HSD17B4: variants seen among roughly 807,000 people sequenced by gnomAD.
The protein encoded by HSD17B4 is peroxisomal multifunctional enzyme type 2.
Under a neutral mutation model 101.0 loss-of-function variants are expected in HSD17B4, and 70 were observed. The observed-to-expected ratio is 0.69, with a 90% CI of 0.57 to 0.85. The LOEUF is 0.85. HSD17B4 is among the 40% of genes least tolerant of loss of function. The pLI is 0.00. For synonymous variants in HSD17B4, 347 were observed against 297.1 expected, an observed-to-expected ratio of 1.17 and a Z score of -1.73; for missense variants, 984 against 892.4, an observed-to-expected ratio of 1.10 and a Z score of -1.31.
intron 2 of HSD17B4, among the ~76,000 whole-genome samples, chr5:119,459,619 G>T (rs946323549): frequency 6.6e-6 from 1 of 152,156 alleles, no homozygotes; most frequent in Non-Finnish European, 1.5e-5. Context: ...GTGCTGAGGG[G>T]CTACATCTGG....
At chr5:119,464,899 T>C (rs1755662484) in intron 2 of HSD17B4, among the ~76,000 whole-genome samples, 1 of 152,210 alleles carries the variant, frequency 6.6e-6, no homozygotes, top group South Asian at 2.1e-4. Context: ...CGGCCTTTGG[T>C]AGCTCTAGCT....
chr5:119,485,864 A>G (rs903032148), intron 8 of HSD17B4, among the ~76,000 whole-genome samples: 1 of 152,212 alleles, frequency 6.6e-6, no homozygotes, highest in Non-Finnish European at 1.5e-5. Flanking sequence ...AACTTAGTGG[A>G]TTAAAACAGC....
At chr5:119,478,313 A>C (rs570356064) in intron 7 of HSD17B4, among the ~76,000 whole-genome samples, 2 of 152,240 alleles carry the variant, frequency 1.3e-5, no homozygotes, top group South Asian at 4.1e-4. Context: ...ATAGAAGCAA[A>C]TTGCTTGTGA....
Position 119,525,274 on chromosome 5 carries a change from C to T in HSD17B4, c.1562C>T (p.Ala521Val), listed in dbSNP as rs750926446. 4 of 1,608,048 alleles carry T rather than the reference C, an allele frequency of 2.5e-6. No individual in the cohort carries two copies. Among genetic ancestry groups the T allele is most frequent in the East Asian group, 2.2e-5 (1 of 44,824 alleles). Reference sequence around the variant, plus strand: ...CCCTTACACATTGATCCTAACTTTGCTAGTCTAGCAGGTGAGTTGTCTTTA... The same window carrying T: ...CCCTTACACATTGATCCTAACTTTGTTAGTCTAGCAGGTGAGTTGTCTTTA... ...WNPLHIDPNF[A>V]SLAGFDKPIL... Residue 521 changes from alanine (A) to valine (V), a missense_variant, in exon 18 of 24, where the codon GCT becomes GTT. By Grantham distance (64) the Ala-to-Val change is moderately conservative. Transcript: ENST00000510025.
intron 17 of HSD17B4, among the ~76,000 whole-genome samples, chr5:119,517,169 G>A (rs1348262952): frequency 6.6e-6 from 1 of 152,240 alleles, no homozygotes; most frequent in African/African-American, 2.4e-5. Context: ...GTTCTGGGTG[G>A]GCGTGGGCTT....
chr5:119,473,273 CTTTTTTTTTT>C (rs11408993), intron 2 of HSD17B4, among the ~76,000 whole-genome samples: 6 of 36,966 alleles, frequency 1.6e-4, no homozygotes, highest in Non-Finnish European at 2.3e-4. Flanking sequence ...GTGGATGAAT[CTTTTTTTTTT>C]TTTTTTTTTT....
chr5:119,454,541 A>C (rs1035625715), intron 1 of HSD17B4, among the ~76,000 whole-genome samples: 53 of 152,156 alleles, frequency 3.5e-4, no homozygotes, highest in African/African-American at 1.2e-3. Context: ...CCTGGCCTCA[A>C]GTGATCCTTC....
chr5:119,507,809 T>G (rs564773463), intron 15 of HSD17B4, among the ~76,000 whole-genome samples: 5 of 151,930 alleles, frequency 3.3e-5, no homozygotes, highest in African/African-American at 1.2e-4. Context: ...TTTGTACATT[T>G]TATAAATTAA....
chr5:119,536,542 C>T lies in HSD17B4; in HGVS notation c.2113C>T (p.Pro705Ser). Residue 705 changes from proline to serine, a missense_variant, in exon 23 of 24, where the codon CCT becomes TCT. By Grantham distance (74) the Pro-to-Ser change is moderately conservative. Coordinates refer to ENST00000510025, the MANE Select transcript of HSD17B4 (RefSeq NM_000414.4). ...FMEVVLGKLD[P>S]QKAFFSGRLK... ...GGAGGTGGTCCTGGGCAAGCTTGAC[C>T]CTCAGAAGGTAATGTTCTCAAATGT... 2 of 1,611,608 alleles carry T rather than the reference C, an allele frequency of 1.2e-6. No individual in the cohort carries two copies. The highest frequency in any genetic ancestry group is 1.7e-6 in the Non-Finnish European group (2 of 1,178,088).
At chr5:119,532,597 A>G (rs573023794) in intron 22 of HSD17B4, among the ~76,000 whole-genome samples, 7 of 152,244 alleles carry the variant, frequency 4.6e-5, no homozygotes, top group Middle Eastern at 3.4e-3. Flanking sequence ...ATACTGAGAT[A>G]TTTCATAAAT....
intron 17 of HSD17B4, among the ~76,000 whole-genome samples, chr5:119,517,631 CTG>C (rs1243412375): frequency 1.3e-5 from 2 of 152,212 alleles, no homozygotes; most frequent in Non-Finnish European, 2.9e-5. Context: ...AATGGGCACT[CTG>C]TATCTAGCTC....
In HSD17B4 at chr5:119,456,302, T is replaced by C; in HGVS notation, c.59-13T>C. On this transcript the variant is annotated splice_polypyrimidine_tract_variant and intron_variant, in intron 1 of 23. Coordinates refer to ENST00000510025, the MANE Select transcript of HSD17B4 (RefSeq NM_000414.4). Reference sequence around the variant, plus strand: ...CATTTCTTCAACTTTCTGATTATTTTGTTTTTGATTAGGATTGGGCCGAGC... The same window carrying C: ...CATTTCTTCAACTTTCTGATTATTTCGTTTTTGATTAGGATTGGGCCGAGC... 1.3e-6 allele frequency: 2 copies of C among 1,598,792 alleles called. No individual in the cohort carries two copies. The highest frequency in any genetic ancestry group is 1.7e-6 in the Non-Finnish European group (2 of 1,166,000).
At chr5:119,538,741 A>G (rs1754738006) in intron 23 of HSD17B4, among the ~76,000 whole-genome samples, 1 of 152,064 alleles carries the variant, frequency 6.6e-6, no homozygotes, top group Non-Finnish European at 1.5e-5. Context: ...TTCAATGTCT[A>G]TGCATTTGCC....
chr5:119,498,616 G>A (rs1057002701), intron 12 of HSD17B4, among the ~76,000 whole-genome samples: 5 of 152,244 alleles, frequency 3.3e-5, no homozygotes, highest in East Asian at 1.9e-4. Flanking sequence ...AGTGGCTCAC[G>A]CCTGTAATCC....
chr5:119,525,717 T>G (rs1753528462), intron 18 of HSD17B4, 200 bp from the exon 19 acceptor site: 3 of 577,474 alleles, frequency 5.2e-6, no homozygotes, highest in Admixed American at 3.2e-5. Flanking sequence ...TGTTTTGTTT[T>G]TTTTTTTTCT....
chr5:119,532,259 G>C (rs1754178440), intron 22 of HSD17B4, among the ~76,000 whole-genome samples: 2 of 152,092 alleles, frequency 1.3e-5, no homozygotes, highest in African/African-American at 4.8e-5. Flanking sequence ...TCTGTTGCTT[G>C]TCACAGTTAT....
chr5:119,512,897 T>C (rs1752301873), intron 16 of HSD17B4, among the ~76,000 whole-genome samples: 2 of 152,176 alleles, frequency 1.3e-5, no homozygotes, highest in African/African-American at 4.8e-5. Context: ...TGTGCCTAAG[T>C]TGATTCTGGT....
intron 7 of HSD17B4, chr5:119,478,028 G>T (rs1368251471): frequency 6.0e-6 from 1 of 167,082 alleles, no homozygotes; most frequent in African/African-American, 2.4e-5. Flanking sequence ...TTAGAAGATA[G>T]TATACACATT....
intron 1 of HSD17B4, 95 bp downstream of exon 1, chr5:119,452,728 A>AC (rs778663840): frequency 1.9e-6 from 3 of 1,603,264 alleles, no homozygotes; most frequent in Admixed American, 1.7e-5. Flanking sequence ...AGCTGAGGTC[A>AC]CCCCGCTGAG....
Sources: allele counts gnomAD v4.1 joint callset (sites outside exome capture counted in the v4.1 genomes callset), GRCh38; gene constraint gnomAD v4.1.1; transcripts MANE v1.5; gene names NCBI Gene and HGNC (gene_info 2026-07-23, HGNC 2026-07-21).